CNKSR2: variants seen among roughly 807,000 people sequenced by gnomAD.
The protein encoded by CNKSR2 is connector enhancer of kinase suppressor of Ras 2, also known as CNK homolog protein 2.
A neutral mutation model predicts 84.4 loss-of-function variants in CNKSR2; 14 were observed. That is an observed-to-expected ratio of 0.17 (90% CI 0.11 to 0.26). The LOEUF (loss-of-function observed/expected upper bound fraction) is 0.26, where lower values mean the gene tolerates loss of function less well. Ranked by LOEUF, CNKSR2 falls within the 10% of genes least tolerant of loss-of-function variation. The pLI is 1.00. For missense variants in CNKSR2, 485 were observed against 771.2 expected, an observed-to-expected ratio of 0.63 and a Z score of 4.40; for synonymous variants, 275 against 277.9, an observed-to-expected ratio of 0.99 and a Z score of 0.10.
At position 21,528,855 on chromosome X, in the gene CNKSR2, T is replaced by C. The variant is rs984581334; in HGVS notation, c.1091+1855T>C. On this transcript the variant is annotated intron_variant, in intron 10 of 21. Coordinates refer to ENST00000379510, the MANE Select transcript of CNKSR2 (RefSeq NM_014927.5). ...TCGATATTGGAGTCAGGACAATCCA[T>C]GCATCAAAGCCCCTTTGAACCACAG... Among the ~76,000 whole-genome samples, 6 of 111,324 alleles carry C rather than the reference T, an allele frequency of 5.4e-5. No homozygotes were observed. The Admixed American group carries it at 5.8e-4, about 11-fold the overall frequency.
chrX:21,561,465 G>A lies in CNKSR2; in HGVS notation c.1304-6G>A, dbSNP rs778300950. On this transcript the variant is annotated splice_region_variant and splice_polypyrimidine_tract_variant and intron_variant, in intron 11 of 21. Coordinates refer to ENST00000379510, the MANE Select transcript of CNKSR2 (RefSeq NM_014927.5). ...ATGTGATGTGAACTTTGTTCTCTGT[G>A]TTTAGGCAAGCTACGACCTATATCT... The A allele has an allele frequency of 5.0e-6, 6 of 1,194,861 alleles. No individual in the cohort carries two copies. The East Asian group carries it at 1.8e-4, about 36-fold the overall frequency.
At chrX:21,505,755 T>C (rs945307757) in intron 8 of CNKSR2, 10 of 111,049 alleles carry the variant, frequency 9.0e-5, no homozygotes, top group African/African-American at 3.3e-4. Flanking sequence ...TATTCATCTC[T>C]CCTTTTCCCT....
At chrX:21,492,954 G>C (rs1269088130) in intron 6 of CNKSR2, 1 of 112,016 alleles carries the variant, frequency 8.9e-6, no homozygotes. Context: ...ATAGAAAGCG[G>C]TGGGAGAATA....
intron 11 of CNKSR2, among the ~76,000 whole-genome samples, chrX:21,553,901 G>A (rs1259806779): frequency 1.8e-5 from 2 of 111,703 alleles, no homozygotes; most frequent in Non-Finnish European, 3.8e-5. Flanking sequence ...GCACAGCAAA[G>A]AGACAAGTAT....
intron 4 of CNKSR2, chrX:21,441,011 A>G (rs761656746): frequency 2.4e-4 from 55 of 231,757 alleles, no homozygotes; most frequent in Non-Finnish European, 3.8e-4. Flanking sequence ...ACACAAACAA[A>G]TGTGCCTAAT....
intron 11 of CNKSR2, among the ~76,000 whole-genome samples, chrX:21,546,694 C>A (rs1309972846): frequency 2.7e-5 from 3 of 111,454 alleles, no homozygotes; most frequent in African/African-American, 6.5e-5. Flanking sequence ...GTCGGGTTAC[C>A]CACAAAGGAA....
chrX:21,570,266 G>C (rs973061644), intron 13 of CNKSR2, among the ~76,000 whole-genome samples: 1 of 112,613 alleles, frequency 8.9e-6, no homozygotes, highest in Non-Finnish European at 1.9e-5. Context: ...AGATCTTCCG[G>C]ATAACTTGCT....
Position 21,609,568 on chromosome X carries a change from G to C in CNKSR2, c.2643G>C (p.Glu881Asp). The change falls in exon 20 of 22, where the codon GAG (glutamate) becomes GAC (aspartate). Residue 881 changes from glutamate (E) to aspartate (D), a missense_variant. This residue lies in a region of CNKSR2 where 210 missense variants were observed against 291.5 expected (regional missense o/e 0.72). Transcript: ENST00000379510. ...VQPPEVEEEE[E>D]EEEEEGEAAG... is the part of the protein sequence containing the mutation. The stretch of plus-strand genomic sequence containing the variant: ...CCCCAGAGGTGGAGGAAGAGGAGGA[G>C]GAGGAGGAGGAGGAAGGGGAGGCAG... 8.3e-7 allele frequency: 1 copy of C among 1,208,756 alleles called. No homozygotes were observed. Among genetic ancestry groups the C allele is most frequent in the Non-Finnish European group, 1.1e-6 (1 of 894,419 alleles).
intron 11 of CNKSR2, among the ~76,000 whole-genome samples, chrX:21,548,956 G>A (rs2092056957): frequency 8.9e-6 from 1 of 112,243 alleles, no homozygotes; most frequent in South Asian, 3.7e-4. Context: ...CAAACCCACA[G>A]CCAATATCAT....
rs1877683200 is a variant in CNKSR2, at chrX:21,623,346, AG to A, written c.2692+13730del. ...CCAATTTCTGCTCTAAAGAGCTTATAGAAATTGGGGTGATATTTGAGTATTT... is the reference window on the plus strand; with the variant it reads ...CCAATTTCTGCTCTAAAGAGCTTATAAAATTGGGGTGATATTTGAGTATTT... On this transcript the variant is annotated intron_variant, in intron 20 of 21. Transcript: ENST00000379510. Among the ~76,000 whole-genome samples, 7 of 111,859 alleles carry A rather than the reference AG, an allele frequency of 6.3e-5. No homozygotes were observed. The South Asian group carries it at 2.6e-3, about 42-fold the overall frequency.
chrX:21,615,052 A>G (rs764526577), intron 20 of CNKSR2, among the ~76,000 whole-genome samples: 1 of 112,365 alleles, frequency 8.9e-6, no homozygotes, highest in East Asian at 2.8e-4. Flanking sequence ...AATGATATGA[A>G]CAGTTTAGAC....
At chrX:21,394,041 C>A (rs1209372771) in intron 1 of CNKSR2, among the ~76,000 whole-genome samples, 1 of 111,976 alleles carries the variant, frequency 8.9e-6, no homozygotes, top group Non-Finnish European at 1.9e-5. Context: ...CATTCCACAT[C>A]CTGTCCTGTA....
At chrX:21,494,511 A>G (rs1482535402) in intron 6 of CNKSR2, 1 of 112,014 alleles carries the variant, frequency 8.9e-6, no homozygotes, top group Non-Finnish European at 1.9e-5. Flanking sequence ...TAGCCAGTAC[A>G]CCCTGAGAGA....
chrX:21,565,270 T>C (rs924476752), intron 13 of CNKSR2, among the ~76,000 whole-genome samples: 7 of 111,916 alleles, frequency 6.3e-5, no homozygotes, highest in African/African-American at 2.3e-4. Flanking sequence ...ACAGATGTTA[T>C]ACTGTGTGCG....
chrX:21,424,444 G>A (rs1222426055), intron 1 of CNKSR2: 1 of 111,164 alleles, frequency 9.0e-6, no homozygotes, highest in East Asian at 2.8e-4. Context: ...ATCCATTTTT[G>A]TTTTCATTCT....
chrX:21,439,678 G>T (rs2090757532), intron 3 of CNKSR2, among the ~76,000 whole-genome samples: 1 of 110,527 alleles, frequency 9.0e-6, no homozygotes, highest in Non-Finnish European at 1.9e-5. Context: ...CAGCTCAGAT[G>T]AAATGGTCCA....
chrX:21,537,169 G>A (rs1233222840), intron 11 of CNKSR2, among the ~76,000 whole-genome samples: 2 of 110,504 alleles, frequency 1.8e-5, no homozygotes, highest in African/African-American at 6.6e-5. Context: ...CCATATAATC[G>A]TACAGTTTTT....
chrX:21,575,382 C>T (rs909804955), intron 13 of CNKSR2, among the ~76,000 whole-genome samples: 1 of 110,326 alleles, frequency 9.1e-6, no homozygotes, highest in South Asian at 3.9e-4. Flanking sequence ...TATTCTCATT[C>T]ACCGCAAACT....
chrX:21,511,305 T>C (rs1225342755), intron 8 of CNKSR2, among the ~76,000 whole-genome samples: 1 of 111,577 alleles, frequency 9.0e-6, no homozygotes, highest in African/African-American at 3.3e-5. Context: ...ATTTTACTTT[T>C]TTGGATGAGA....
Sources: allele counts gnomAD v4.1 joint callset (sites outside exome capture counted in the v4.1 genomes callset), GRCh38; gene constraint gnomAD v4.1.1; regional missense constraint gnomAD v4.1.1; transcripts MANE v1.5; gene names NCBI Gene and HGNC (gene_info 2026-07-23, HGNC 2026-07-21).